The following CSMD1 variants were observed in gnomAD, a reference collection of about 807,000 sequenced individuals.
CSMD1 encodes CUB and sushi domain-containing protein 1.
In CSMD1, 213 loss-of-function variants were observed where a neutral mutation model predicts 417.5. That is an observed-to-expected ratio of 0.51 (90% CI 0.46 to 0.57). CSMD1 has a LOEUF of 0.57. CSMD1 is among the 20% of genes least tolerant of loss of function. The pLI is 0.00. For missense variants in CSMD1, 6,923 were observed against 4,529.7 expected, an observed-to-expected ratio of 1.53 and a Z score of -15.17; for synonymous variants, 2,862 against 1,736.8, an observed-to-expected ratio of 1.65 and a Z score of -16.11.
intron 23 of CSMD1, among the ~76,000 whole-genome samples, chr8:3,338,110 A>G (rs1056836305): frequency 6.6e-6 from 1 of 152,220 alleles, no homozygotes; most frequent in African/African-American, 2.4e-5. Context: ...CAAATACAAA[A>G]GGACCCCCTT....
chr8:3,211,237 G>T (rs531827526), intron 30 of CSMD1, among the ~76,000 whole-genome samples: 31 of 152,214 alleles, frequency 2.0e-4, no homozygotes, highest in African/African-American at 7.0e-4. Context: ...TAGAGGTGGG[G>T]TCTTGCTATG....
At chr8:4,297,844 A>G (rs1797769936) in intron 3 of CSMD1, among the ~76,000 whole-genome samples, 1 of 152,238 alleles carries the variant, frequency 6.6e-6, no homozygotes, top group African/African-American at 2.4e-5. Flanking sequence ...GCCATTATAT[A>G]AACATTGCTG....
chr8:4,039,093 G>C (rs147656105), intron 3 of CSMD1, among the ~76,000 whole-genome samples: 124 of 152,214 alleles, frequency 8.1e-4, no homozygotes, highest in African/African-American at 2.7e-3. Flanking sequence ...ATGGGACAAG[G>C]CTATCGAAAG....
intron 62 of CSMD1, among the ~76,000 whole-genome samples, chr8:2,959,200 G>A (rs1265085412): frequency 6.6e-6 from 1 of 152,136 alleles, no homozygotes; most frequent in Non-Finnish European, 1.5e-5. Context: ...TGACCTCCAG[G>A]GCTCAAGTAG....
intron 26 of CSMD1, among the ~76,000 whole-genome samples, chr8:3,261,088 C>A (rs930626825): frequency 6.6e-6 from 1 of 152,092 alleles, no homozygotes; most frequent in Non-Finnish European, 1.5e-5. Flanking sequence ...AAATTAGTAG[C>A]CATTAAGCAA....
intron 23 of CSMD1, among the ~76,000 whole-genome samples, chr8:3,310,430 A>T (rs539545959): frequency 2.2e-4 from 34 of 152,344 alleles, no homozygotes; most frequent in African/African-American, 7.9e-4. Flanking sequence ...CCAGCAAACT[A>T]GAGGCAGAAT....
chr8:4,873,927 T>C (rs1802884289), intron 1 of CSMD1, among the ~76,000 whole-genome samples: 3 of 151,996 alleles, frequency 2.0e-5, no homozygotes, highest in South Asian at 4.1e-4. Flanking sequence ...GAAGGAAGTA[T>C]GGAAGGGGAA....
intron 41 of CSMD1, among the ~76,000 whole-genome samples, chr8:3,141,242 C>T (rs985933145): frequency 3.3e-5 from 5 of 152,102 alleles, no homozygotes; most frequent in African/African-American, 7.2e-5. Context: ...ATCCCCTGTG[C>T]GTCTGTGAAA....
At chr8:3,524,162 G>C (rs1053323103) in intron 10 of CSMD1, among the ~76,000 whole-genome samples, 1 of 148,584 alleles carries the variant, frequency 6.7e-6, no homozygotes, top group African/African-American at 2.5e-5. Context: ...TGCACAGCCA[G>C]AGACGTGCAC....
intron 50 of CSMD1, among the ~76,000 whole-genome samples, chr8:3,041,820 C>T (rs11997727): frequency 0.066 from 9,986 of 152,210 alleles, 1,069 homozygotes; most frequent in African/African-American, 0.22. Flanking sequence ...CATCAAATGG[C>T]GGTAAACCCC....
chr8:3,741,310 G>A (rs1034425886), intron 6 of CSMD1, among the ~76,000 whole-genome samples: 8 of 150,808 alleles, frequency 5.3e-5, no homozygotes, highest in Admixed American at 6.6e-5. Context: ...GAGACTAAAT[G>A]TTTAAAGAGG....
At chr8:3,864,264 G>A (rs1474681532) in intron 5 of CSMD1, among the ~76,000 whole-genome samples, 2 of 152,104 alleles carry the variant, frequency 1.3e-5, no homozygotes, top group African/African-American at 4.8e-5. Flanking sequence ...ACTCCTGTGG[G>A]AATCATAACT....
At chr8:3,913,565 A>T (rs1181847355) in intron 5 of CSMD1, among the ~76,000 whole-genome samples, 4 of 152,180 alleles carry the variant, frequency 2.6e-5, no homozygotes, top group African/African-American at 9.7e-5. Flanking sequence ...GCAACAAAGA[A>T]TACGGTCAGT....
At position 3,741,170 on chromosome 8, in the gene CSMD1, T is replaced by A. The variant is rs536248385; in HGVS notation, c.931+12760A>T. Among the ~76,000 whole-genome samples the A allele has an allele frequency of 6.6e-4, 90 of 136,474 alleles. 3 individuals are homozygous for A. In the South Asian group the frequency reaches 0.02, roughly 30 times the overall value. 89.5% of individuals were successfully genotyped at this position (136,474 alleles called of 152,430 possible). On this transcript the variant is annotated intron_variant, in intron 6 of 69. Coordinates refer to ENST00000635120, the MANE Select transcript of CSMD1 (RefSeq NM_033225.6). Reference sequence around the variant, plus strand: ...TGGAGGTTGCAGTGAGCTGAGATCGTGCTATTGCAGTCCAGCCCGGGCAAC... The same window carrying A: ...TGGAGGTTGCAGTGAGCTGAGATCGAGCTATTGCAGTCCAGCCCGGGCAAC...
intron 2 of CSMD1, among the ~76,000 whole-genome samples, chr8:4,561,671 G>C (rs186435276): frequency 6.6e-6 from 1 of 152,122 alleles, no homozygotes. Context: ...GACACAGTGA[G>C]ACTCTGTTAA....
chr8:3,302,022 T>A (rs1170472766), intron 25 of CSMD1, among the ~76,000 whole-genome samples: 2 of 152,086 alleles, frequency 1.3e-5, no homozygotes, highest in African/African-American at 4.8e-5. Context: ...ATTTTCATTG[T>A]TTTAGGTGGG....
At chr8:3,828,262 A>G (rs192260289) in intron 5 of CSMD1, among the ~76,000 whole-genome samples, 153 of 152,258 alleles carry the variant, frequency 1.0e-3, no homozygotes, top group Admixed American at 1.8e-3. Flanking sequence ...GTTATGTAAG[A>G]TCTGATGGCT....
chr8:4,276,412 G>T (rs915007555), intron 3 of CSMD1, among the ~76,000 whole-genome samples: 2 of 152,078 alleles, frequency 1.3e-5, no homozygotes, highest in African/African-American at 4.8e-5. Flanking sequence ...CTCATAAGTG[G>T]GAGTTGAACA....
chr8:3,816,374 T>C (rs1801366004), intron 5 of CSMD1, among the ~76,000 whole-genome samples: 1 of 152,210 alleles, frequency 6.6e-6, no homozygotes, highest in South Asian at 2.1e-4. Flanking sequence ...CAGGAAAAGA[T>C]ATTCTGAGAG....
Sources: allele counts gnomAD v4.1 joint callset (sites outside exome capture counted in the v4.1 genomes callset), GRCh38; gene constraint gnomAD v4.1.1; transcripts MANE v1.5; gene names NCBI Gene and HGNC (gene_info 2026-07-23, HGNC 2026-07-21).